Variants in THEMIS observed in about 807,000 individuals in gnomAD.
The protein encoded by THEMIS is protein THEMIS.
Under a neutral mutation model 52.6 loss-of-function variants are expected in THEMIS, and 37 were observed. The ratio of observed to expected loss-of-function variants is 0.70; its 90% CI spans 0.54 to 0.93. The LOEUF is 0.93. Ranked by LOEUF, THEMIS falls within the 40% of genes least tolerant of loss-of-function variation. THEMIS has a pLI of 0.00. For synonymous variants in THEMIS, 292 were observed against 272.7 expected, an observed-to-expected ratio of 1.07 and a Z score of -0.70; for missense variants, 808 against 763.1, an observed-to-expected ratio of 1.06 and a Z score of -0.69.
rs112205948 is a variant in THEMIS at position 127,720,602 on chromosome 6, A to T, written c.1759-779T>A. 7.5e-4 allele frequency among the ~76,000 whole-genome samples: 114 copies of T among 152,140 alleles called. 1 individual carries two copies. The highest frequency in any genetic ancestry group is 2.7e-3 in the African/African-American group (112 of 41,552). On this transcript the variant is annotated intron_variant, in intron 4 of 5. Coordinates refer to ENST00000368248, the MANE Select transcript of THEMIS (RefSeq NM_001010923.3). ...AAGATTCTCAGCGTAAATATTAGCT[A>T]ATCAATTATGGCCATTCAGGCTAGC...
chr6:127,803,361 G>A (rs1279800384), intron 4 of THEMIS, among the ~76,000 whole-genome samples: 1 of 151,946 alleles, frequency 6.6e-6, no homozygotes, highest in Non-Finnish European at 1.5e-5. Flanking sequence ...GCAGTGTTAT[G>A]CCTACTTATC....
chr6:127,896,830 C>T (rs1780982829), intron 1 of THEMIS, among the ~76,000 whole-genome samples: 1 of 151,336 alleles, frequency 6.6e-6, no homozygotes, highest in African/African-American at 2.4e-5. Context: ...AAAATCAATC[C>T]AGGTATTTTT....
chr6:127,850,248 A>T (rs147302744), intron 2 of THEMIS, among the ~76,000 whole-genome samples: 8 of 152,082 alleles, frequency 5.3e-5, no homozygotes. Flanking sequence ...TAGATGATAG[A>T]TGTTGGCATA....
intron 3 of THEMIS, among the ~76,000 whole-genome samples, chr6:127,823,690 G>T (rs1360616802): frequency 6.6e-6 from 1 of 152,028 alleles, no homozygotes; most frequent in Non-Finnish European, 1.5e-5. Context: ...TTTAGCAGGA[G>T]TAGCAACCAG....
At chr6:127,877,566 A>G (rs1780351972) in intron 1 of THEMIS, among the ~76,000 whole-genome samples, 1 of 152,172 alleles carries the variant, frequency 6.6e-6, no homozygotes, top group African/African-American at 2.4e-5. Context: ...AAGGAGAGGA[A>G]GAGATGGGGA....
intron 1 of THEMIS, among the ~76,000 whole-genome samples, chr6:127,900,056 G>A (rs1014863622): frequency 6.6e-6 from 1 of 151,630 alleles, no homozygotes; most frequent in South Asian, 2.1e-4. Flanking sequence ...TGGTAGTTTT[G>A]TCTTGATCTG....
At chr6:127,748,678 A>G (rs1381632437) in intron 4 of THEMIS, among the ~76,000 whole-genome samples, 2 of 152,078 alleles carry the variant, frequency 1.3e-5, no homozygotes, top group African/African-American at 2.4e-5. Context: ...TGGAGGTATC[A>G]TGAATACTTT....
chr6:127,738,252 C>G (rs1775075399), intron 4 of THEMIS, among the ~76,000 whole-genome samples: 1 of 152,122 alleles, frequency 6.6e-6, no homozygotes, highest in Non-Finnish European at 1.5e-5. Flanking sequence ...GCAAAATTCA[C>G]TGTGATCCAC....
At chr6:127,884,964 A>G (rs1780601359) in intron 1 of THEMIS, among the ~76,000 whole-genome samples, 1 of 151,830 alleles carries the variant, frequency 6.6e-6, no homozygotes, top group Admixed American at 6.6e-5. Flanking sequence ...TCTTATAAGG[A>G]CCCTAATCCT....
intron 4 of THEMIS, among the ~76,000 whole-genome samples, chr6:127,789,394 A>G (rs1267016587): frequency 2.0e-5 from 3 of 152,188 alleles, no homozygotes; most frequent in Non-Finnish European, 2.9e-5. Context: ...TAGCTTACCA[A>G]TCAAAAAAAG....
In THEMIS at chr6:127,760,162, C is replaced by T. The variant is rs555076694; in HGVS notation, c.1759-40339G>A. On this transcript the variant is annotated intron_variant, in intron 4 of 5. Transcript: ENST00000368248. ...AGATAATTCTTCCTTATTATGTATT[C>T]TTGTCATCCTTATCAAAGATACGTT... Among the ~76,000 whole-genome samples the T allele has an allele frequency of 7.0e-4, 102 of 146,578 alleles. 1 individual carries two copies. The highest frequency in any genetic ancestry group is 1.7e-3 in the South Asian group (8 of 4,594).
chr6:127,892,302 G>A (rs769703281), intron 1 of THEMIS, among the ~76,000 whole-genome samples: 3 of 152,128 alleles, frequency 2.0e-5, no homozygotes, highest in African/African-American at 4.8e-5. Context: ...TCCAGATGTG[G>A]GCAAGGCTTA....
At chr6:127,893,568 G>A (rs1248651020) in intron 1 of THEMIS, among the ~76,000 whole-genome samples, 1 of 152,076 alleles carries the variant, frequency 6.6e-6, no homozygotes, top group Non-Finnish European at 1.5e-5. Flanking sequence ...CATCAATAGG[G>A]CATAAACGCT....
chr6:127,894,480 A>G (rs1780904029), intron 1 of THEMIS, among the ~76,000 whole-genome samples: 1 of 152,018 alleles, frequency 6.6e-6, no homozygotes, highest in African/African-American at 2.4e-5. Context: ...AAAATGCTAC[A>G]TGGCAAAAGT....
intron 4 of THEMIS, among the ~76,000 whole-genome samples, chr6:127,804,958 A>C (rs976860331): frequency 3.3e-5 from 5 of 152,132 alleles, no homozygotes; most frequent in African/African-American, 1.2e-4. Context: ...ACTAAAAAAA[A>C]CAAATATTTA....
chr6:127,734,971 A>C (rs1324893923), intron 4 of THEMIS, among the ~76,000 whole-genome samples: 1 of 130,912 alleles, frequency 7.6e-6, no homozygotes, highest in African/African-American at 2.8e-5. Context: ...GTGTGTGTAT[A>C]TGTGTGTGTA....
intron 4 of THEMIS, among the ~76,000 whole-genome samples, chr6:127,739,794 G>T (rs546496328): frequency 6.6e-6 from 1 of 152,312 alleles, no homozygotes; most frequent in African/African-American, 2.4e-5. Flanking sequence ...TGGCAAGCAT[G>T]TCACTTAAAT....
intron 4 of THEMIS, among the ~76,000 whole-genome samples, chr6:127,722,030 A>C (rs899884009): frequency 6.6e-6 from 1 of 152,048 alleles, no homozygotes; most frequent in African/African-American, 2.4e-5. Flanking sequence ...CCTGAGAGAG[A>C]AAATAGCCCC....
At chr6:127,746,771 TATTATATATA>T (rs1325689542) in intron 4 of THEMIS, among the ~76,000 whole-genome samples, 2 of 66,648 alleles carry the variant, frequency 3.0e-5, no homozygotes, top group African/African-American at 7.2e-5. Flanking sequence ...TATATAATTA[TATTATATATA>T]ATTATATATT....
Sources: gnomAD v4.1 joint callset for allele counts (sites outside exome capture counted in the v4.1 genomes callset) on GRCh38, gnomAD v4.1.1 for gene constraint, MANE v1.5 for transcripts, NCBI Gene and HGNC (gene_info 2026-07-23, HGNC 2026-07-21) for gene names.